TPM3: variants seen among roughly 807,000 people sequenced by gnomAD.
TPM3 encodes the protein tropomyosin 3, also known as tropomyosin alpha-3 chain.
In TPM3, 16 loss-of-function variants were observed where a neutral mutation model predicts 43.1. The ratio of observed to expected loss-of-function variants is 0.37; its 90% CI spans 0.25 to 0.56. The LOEUF is 0.56. Ranked by LOEUF, TPM3 falls within the 20% of genes least tolerant of loss-of-function variation. The probability of loss-of-function intolerance (pLI) is 0.77; values close to 1 mark genes in which losing one functional copy is unlikely to be tolerated. For missense variants in TPM3, 176 were observed against 337.2 expected (o/e 0.52, Z 3.74); for synonymous variants, 101 against 116.9 (o/e 0.86, Z 0.88).
chr1:154,179,564 G>A (rs1023783336), intron 2 of TPM3, among the ~76,000 whole-genome samples: 2 of 151,848 alleles, frequency 1.3e-5, no homozygotes, highest in South Asian at 4.1e-4. Flanking sequence ...CAGAGGTAGT[G>A]TGCTGACCTT....
At chr1:154,182,146 G>A (rs1663025381) in intron 2 of TPM3, among the ~76,000 whole-genome samples, 1 of 152,182 alleles carries the variant, frequency 6.6e-6, no homozygotes, top group Non-Finnish European at 1.5e-5. Flanking sequence ...TTCTTAACCA[G>A]TTCGGCTTGC....
At chr1:154,184,667 C>T (rs1369654802) in intron 2 of TPM3, among the ~76,000 whole-genome samples, 1 of 152,178 alleles carries the variant, frequency 6.6e-6, no homozygotes, top group Non-Finnish European at 1.5e-5. Flanking sequence ...GTGATCCCAA[C>T]ATTTGGGAGG....
rs765977030 is a variant in TPM3 at position 154,192,021 on chromosome 1, G to A, written c.-3C>T. 5.6e-6 allele frequency: 9 copies of A among 1,611,120 alleles called. No individual in the cohort carries two copies. The Admixed American group carries it at 1.3e-4, about 24-fold the overall frequency. ...TTTTTCTTGATGGCCTCCATCATGA[G>A]CAGTGGCTGTTGGTAGGCTCACCTG... is the stretch of plus-strand genomic sequence containing the variant. On this transcript the variant is annotated 5_prime_UTR_variant, in exon 1 of 10. Transcript: ENST00000651641.
At chr1:154,180,156 C>G (rs887086978) in intron 2 of TPM3, among the ~76,000 whole-genome samples, 1 of 152,052 alleles carries the variant, frequency 6.6e-6, no homozygotes, top group African/African-American at 2.4e-5. Context: ...ATTTCCAGGC[C>G]GAGAGCAGAA....
chr1:154,171,879 C>T, intron 5 of TPM3: 1 of 874,594 alleles, frequency 1.1e-6, no homozygotes, highest in Non-Finnish European at 1.9e-6. Context: ...TGAAAGATGC[C>T]AAGTAAGTGG....
At chr1:154,158,841 C>A, downstream of TPM3, 1 of 700,554 alleles carries the variant, frequency 1.4e-6, no homozygotes, top group Non-Finnish European at 2.6e-6. Context: ...TCTAACTGCC[C>A]CAATTAAAAT....
intron 2 of TPM3, among the ~76,000 whole-genome samples, chr1:154,176,496 G>C (rs1331199298): frequency 6.6e-6 from 1 of 151,964 alleles, no homozygotes; most frequent in Non-Finnish European, 1.5e-5. Flanking sequence ...TCCTTGCCCA[G>C]CCCAGTGAGT....
At chr1:154,159,046 G>A (rs542934206), downstream of TPM3, 14 of 780,552 alleles carry the variant, frequency 1.8e-5, no homozygotes, top group East Asian at 1.2e-4. Flanking sequence ...CTGTAGAGAC[G>A]CTCTGCAGCA....
chr1:154,160,738 G>A (rs541566187), downstream of TPM3, among the ~76,000 whole-genome samples: 5 of 152,192 alleles, frequency 3.3e-5, no homozygotes, highest in Admixed American at 6.5e-5. Flanking sequence ...AATGACAAAC[G>A]TTCACCATTG....
At chr1:154,174,407 T>TACACACAC (rs1553249401) in intron 3 of TPM3, among the ~76,000 whole-genome samples, 1,693 of 72,556 alleles carry the variant, frequency 0.023, 71 homozygotes, top group South Asian at 0.094. Context: ...TATATATATA[T>TACACACAC]ACACACAAAA....
At chr1:154,183,255 T>C in intron 2 of TPM3, 1 of 1,524,552 alleles carries the variant, frequency 6.6e-7, no homozygotes, top group South Asian at 1.2e-5. Flanking sequence ...GTGACGTCCC[T>C]CTGCCGCGCC....
chr1:154,182,418 A>G (rs1421035264), intron 2 of TPM3, among the ~76,000 whole-genome samples: 5 of 152,192 alleles, frequency 3.3e-5, no homozygotes, highest in African/African-American at 1.2e-4. Context: ...GAGGGAGGGC[A>G]CCGCGCTTCC....
At chr1:154,185,310 T>G (rs1273529554) in intron 2 of TPM3, among the ~76,000 whole-genome samples, 1 of 148,964 alleles carries the variant, frequency 6.7e-6, no homozygotes, top group Non-Finnish European at 1.5e-5. Context: ...GAGGCAGAGG[T>G]TGCAGTGAGC....
intron 2 of TPM3, among the ~76,000 whole-genome samples, chr1:154,180,506 T>C (rs758285452): frequency 6.6e-6 from 1 of 152,068 alleles, no homozygotes; most frequent in Non-Finnish European, 1.5e-5. Flanking sequence ...GAAGAAATGA[T>C]TTCATCAATA....
intron 3 of TPM3, among the ~76,000 whole-genome samples, chr1:154,174,325 ACT>A: frequency 7.0e-6 from 1 of 142,536 alleles, no homozygotes; most frequent in South Asian, 2.2e-4. Flanking sequence ...ATAGAGTGAG[ACT>A]CTGTCTCAAA....
At position 154,163,642 on chromosome 1, in the gene TPM3, A is replaced by AT. The variant is rs998953081; in HGVS notation, c.*4294dup. Among the ~76,000 whole-genome samples the AT allele has an allele frequency of 1.0e-4, 15 of 150,728 alleles. No individual in the cohort carries two copies. The South Asian group carries it at 1.1e-3, about 11-fold the overall frequency. On this transcript the variant is annotated 3_prime_UTR_variant, in exon 10 of 10. Transcript: ENST00000651641. ...TACATAACGTTTTCCTCATTGTTTA[A>AT]TTTTTTTTTGAGACAGAGTCTTGCT...
At chr1:154,158,981 A>G, downstream of TPM3, 1 of 780,692 alleles carries the variant, frequency 1.3e-6, no homozygotes, top group Non-Finnish European at 2.4e-6. Context: ...AGTCACACAG[A>G]TCATGCAGCG....
intron 2 of TPM3, chr1:154,178,222 G>A: frequency 2.0e-6 from 2 of 984,812 alleles, no homozygotes; most frequent in Non-Finnish European, 2.4e-6. Flanking sequence ...AACAGGCTAT[G>A]GGGCGGGGGT....
intron 3 of TPM3, among the ~76,000 whole-genome samples, chr1:154,174,368 G>C (rs9660782): frequency 2.2e-5 from 1 of 46,354 alleles, no homozygotes; most frequent in Non-Finnish European, 4.3e-5. Context: ...AAATATATGT[G>C]TATATATATA....
Sources: gnomAD v4.1 joint callset for allele counts (sites outside exome capture counted in the v4.1 genomes callset) on GRCh38, gnomAD v4.1.1 for gene constraint, MANE v1.5 for transcripts, NCBI Gene and HGNC (gene_info 2026-07-23, HGNC 2026-07-21) for gene names.